Variants in CACNA1C observed in about 807,000 individuals in gnomAD.
CACNA1C encodes the protein calcium voltage-gated channel subunit alpha1 C, also known as voltage-dependent L-type calcium channel subunit alpha-1C.
A neutral mutation model predicts 229.0 loss-of-function variants in CACNA1C; 30 were observed. The observed-to-expected ratio is 0.13, with a 90% confidence interval of 0.10 to 0.18. CACNA1C has a LOEUF of 0.18. Ranked by LOEUF, CACNA1C falls within the 10% of genes least tolerant of loss-of-function variation. The pLI is 1.00. For missense variants in CACNA1C, 1,658 were observed against 2,845.0 expected (o/e 0.58, Z 9.49); for synonymous variants, 1,114 against 1,132.5 (o/e 0.98, Z 0.33).
chr12:2,593,368 G>C, intron 19 of CACNA1C, 23 bp downstream of exon 19: 2 of 1,612,762 alleles, frequency 1.2e-6, no homozygotes, highest in Non-Finnish European at 1.7e-6. Flanking sequence ...GGTGGGGAAG[G>C]TGGGGTCCTG....
intron 3 of CACNA1C, among the ~76,000 whole-genome samples, chr12:2,305,374 AGG>A (rs1006479817): frequency 2.0e-5 from 3 of 152,246 alleles, no homozygotes; most frequent in African/African-American, 7.2e-5. Context: ...GGTGGAGCCC[AGG>A]TCCCCTGGCT....
chr12:2,626,232 C>T (rs1325522037), intron 29 of CACNA1C, among the ~76,000 whole-genome samples: 1 of 152,256 alleles, frequency 6.6e-6, no homozygotes, highest in Non-Finnish European at 1.5e-5. Flanking sequence ...CGTACCTGTG[C>T]TCTCTCCAGG....
At chr12:2,557,019 GCT>G in intron 11 of CACNA1C, 42 bp downstream of exon 11, 1 of 1,583,864 alleles carries the variant, frequency 6.3e-7, no homozygotes, top group South Asian at 1.1e-5. Flanking sequence ...TCTGCCACCA[GCT>G]CTGTCTTCAG....
intron 1 of CACNA1C, among the ~76,000 whole-genome samples, chr12:2,014,892 C>T (rs963277712): frequency 6.6e-5 from 10 of 152,224 alleles, no homozygotes; most frequent in Admixed American, 2.0e-4. Context: ...TAGTCAGACT[C>T]AGAGCCTCCC....
chr12:2,213,290 T>C (rs2097988945), intron 3 of CACNA1C, among the ~76,000 whole-genome samples: 1 of 152,166 alleles, frequency 6.6e-6, no homozygotes, highest in African/African-American at 2.4e-5. Context: ...GGGATTTTTT[T>C]ACTTTGAGCT....
At chr12:2,075,864 ACAGT>A (rs2063011703) in intron 1 of CACNA1C, among the ~76,000 whole-genome samples, 1 of 152,204 alleles carries the variant, frequency 6.6e-6, no homozygotes, top group Admixed American at 6.5e-5. Context: ...TGGAGAACTG[ACAGT>A]CAGGGAACCC....
chr12:2,567,861 G>A, intron 13 of CACNA1C, 67 bp downstream of exon 13: 3 of 965,464 alleles, frequency 3.1e-6, no homozygotes, highest in Non-Finnish European at 3.2e-6. Context: ...GGGCAAGGGA[G>A]GTGGCAAGGC....
chr12:2,623,067 C>T (rs1017112996), intron 29 of CACNA1C, among the ~76,000 whole-genome samples: 2 of 152,180 alleles, frequency 1.3e-5, no homozygotes, highest in African/African-American at 2.4e-5. Flanking sequence ...CCCAGGCCTT[C>T]GTCGTTCACT....
intron 1 of CACNA1C, among the ~76,000 whole-genome samples, chr12:2,066,947 G>T (rs1335820394): frequency 1.3e-5 from 2 of 152,140 alleles, no homozygotes; most frequent in Non-Finnish European, 2.9e-5. Flanking sequence ...GAGGAGACCG[G>T]AAGAGGGAAC....
At chr12:2,457,957 C>G (rs968191383) in intron 5 of CACNA1C, among the ~76,000 whole-genome samples, 1 of 152,324 alleles carries the variant, frequency 6.6e-6, no homozygotes. Flanking sequence ...CCACATGAAT[C>G]CTACATAAAG....
chr12:2,602,090 A>G lies in CACNA1C; in HGVS notation c.2960+130A>G. On this transcript the variant is annotated intron_variant, in intron 22 of 46. Transcript: ENST00000399655. The surrounding 1 kb of genome is among the most constrained non-coding windows in gnomAD (Gnocchi z 4.4). ...GATGAGAGTGGGGTGGGGCCTCCAA[A>G]GCTGTGCATGGTGGCTTTGGGTTCT... 3.0e-6 allele frequency: 2 copies of G among 662,734 alleles called. No individual in the cohort carries two copies. The highest frequency in any genetic ancestry group is 3.5e-5 in the South Asian group (2 of 57,894). 41.1% of individuals were successfully genotyped at this position (662,734 alleles called of 1,614,324 possible). A position where few individuals can be genotyped will look rare whatever the true frequency, so the allele number is the denominator to read the frequency against.
chr12:2,106,341 C>T (rs1270795639), intron 1 of CACNA1C, among the ~76,000 whole-genome samples: 2 of 58,316 alleles, frequency 3.4e-5, no homozygotes, highest in Non-Finnish European at 7.9e-5. Context: ...GGAGGGTTTC[C>T]ACCTCAGCTG....
intron 6 of CACNA1C, among the ~76,000 whole-genome samples, chr12:2,489,302 T>C (rs1410934220): frequency 1.3e-5 from 2 of 152,226 alleles, no homozygotes; most frequent in Non-Finnish European, 2.9e-5. Flanking sequence ...AAAATACGTT[T>C]GATTTTGAGC....
At chr12:2,565,919 T>C (rs988958148) in intron 11 of CACNA1C, among the ~76,000 whole-genome samples, 4 of 152,094 alleles carry the variant, frequency 2.6e-5, no homozygotes, top group Non-Finnish European at 5.9e-5. Context: ...GTACTCAACC[T>C]CCCCAGCCCT....
chr12:2,691,338 G>A lies in CACNA1C; in HGVS notation c.*139G>A, dbSNP rs767535856. The stretch of plus-strand genomic sequence containing the variant: ...TTCATTTCTGTTGGGACCAGACGCG[G>A]AGCCTGGGTGCGCGAGCCGCCCTCC... On this transcript the variant is annotated 3_prime_UTR_variant, in exon 47 of 47. Transcript: ENST00000399655. The A allele has an allele frequency of 3.2e-6, 3 of 926,462 alleles. No individual in the cohort carries two copies. Among genetic ancestry groups the A allele is most frequent in the Non-Finnish European group, 4.3e-6 (3 of 692,052 alleles). The allele number at this position is 926,462 out of a possible 1,614,324, so 57.4% of individuals were successfully genotyped here.
intron 5 of CACNA1C, among the ~76,000 whole-genome samples, chr12:2,482,785 C>G (rs887138105): frequency 6.6e-6 from 1 of 152,122 alleles, no homozygotes; most frequent in South Asian, 2.1e-4. Flanking sequence ...TGTGCTGAAC[C>G]TAAGTCTTTC....
intron 3 of CACNA1C, among the ~76,000 whole-genome samples, chr12:2,144,083 G>A (rs1300612658): frequency 1.3e-5 from 2 of 151,374 alleles, no homozygotes; most frequent in African/African-American, 2.4e-5. Context: ...TCAGCACCAC[G>A]TGGGCACACA....
At chr12:2,680,261 T>G in intron 42 of CACNA1C, 1 of 877,022 alleles carries the variant, frequency 1.1e-6, no homozygotes, top group Non-Finnish European at 1.7e-6. Flanking sequence ...TCTGTAGCAC[T>G]GGCCCATTCT....
At chr12:2,323,547 C>T (rs4765920) in intron 3 of CACNA1C, among the ~76,000 whole-genome samples, 4,356 of 152,234 alleles carry the variant, frequency 0.029, 142 homozygotes, top group African/African-American at 0.072. Flanking sequence ...CACACCTACC[C>T]CTCACCACCC....
Sources: allele counts gnomAD v4.1 joint callset (sites outside exome capture counted in the v4.1 genomes callset), GRCh38; gene constraint gnomAD v4.1.1; non-coding constraint Gnocchi (gnomAD v3.1); transcripts MANE v1.5; gene names NCBI Gene and HGNC (gene_info 2026-07-23, HGNC 2026-07-21).